Variants in NEGR1 observed in about 807,000 individuals in gnomAD.
NEGR1 encodes the protein neuronal growth regulator 1.
NEGR1 carries 10 observed loss-of-function variants against 40.9 expected under a neutral mutation model. The observed-to-expected ratio is 0.24, with a 90% CI of 0.15 to 0.42. The LOEUF is 0.42. Ranked by LOEUF, NEGR1 falls within the 10% of genes least tolerant of loss-of-function variation. The probability of loss-of-function intolerance (pLI) is 1.00; values close to 1 mark genes in which losing one functional copy is unlikely to be tolerated. For missense variants in NEGR1, 352 were observed against 438.9 expected, an observed-to-expected ratio of 0.80 and a Z score of 1.77; for synonymous variants, 185 against 166.8, an observed-to-expected ratio of 1.11 and a Z score of -0.84.
At chr1:71,609,011 T>G (rs1650157128) in intron 5 of NEGR1, among the ~76,000 whole-genome samples, 1 of 152,176 alleles carries the variant, frequency 6.6e-6, no homozygotes, top group Non-Finnish European at 1.5e-5. Flanking sequence ...TGTACAATAT[T>G]GTAGGGTGAA....
At chr1:71,587,982 C>T (rs1649363527) in intron 6 of NEGR1, among the ~76,000 whole-genome samples, 1 of 151,992 alleles carries the variant, frequency 6.6e-6, no homozygotes, top group African/African-American at 2.4e-5. Context: ...ATTCTATTTC[C>T]CTTTAGATGG....
At chr1:72,156,462 T>C (rs924511665) in intron 1 of NEGR1, among the ~76,000 whole-genome samples, 10 of 152,168 alleles carry the variant, frequency 6.6e-5, no homozygotes, top group Admixed American at 2.6e-4. Context: ...ACACTTCAAA[T>C]GAACTTCACT....
intron 4 of NEGR1, among the ~76,000 whole-genome samples, chr1:71,670,763 A>T (rs1652394901): frequency 6.6e-6 from 1 of 150,958 alleles, no homozygotes; most frequent in Non-Finnish European, 1.5e-5. Context: ...AAAAATTTCA[A>T]CAACAATTCT....
intron 2 of NEGR1, among the ~76,000 whole-genome samples, chr1:71,849,647 A>C (rs752920819): frequency 1.3e-5 from 2 of 152,168 alleles, no homozygotes; most frequent in South Asian, 4.1e-4. Flanking sequence ...ATAGAGAAAT[A>C]TGTTGTGAAA....
At chr1:72,014,808 CTATT>C (rs1031532128) in intron 1 of NEGR1, among the ~76,000 whole-genome samples, 3 of 151,944 alleles carry the variant, frequency 2.0e-5, no homozygotes, top group African/African-American at 7.2e-5. Flanking sequence ...GAAATACCTA[CTATT>C]TATTTATCCA....
At chr1:71,691,971 G>T (rs1330661247) in intron 4 of NEGR1, among the ~76,000 whole-genome samples, 1 of 151,276 alleles carries the variant, frequency 6.6e-6, no homozygotes, top group African/African-American at 2.4e-5. Context: ...AAACCCCAAG[G>T]TTGAGTTTGG....
chr1:71,597,910 C>T (rs965721114), intron 5 of NEGR1, among the ~76,000 whole-genome samples: 1 of 151,072 alleles, frequency 6.6e-6, no homozygotes, highest in African/African-American at 2.5e-5. Flanking sequence ...GAGACTCCAT[C>T]CCAAAATTAA....
At chr1:71,434,851 G>T (rs1475193348) in intron 6 of NEGR1, among the ~76,000 whole-genome samples, 1 of 152,160 alleles carries the variant, frequency 6.6e-6, no homozygotes, top group Non-Finnish European at 1.5e-5. Flanking sequence ...CAGCACTTTG[G>T]GAGGCCAAGG....
At chr1:71,635,628 C>T (rs1651122812) in intron 4 of NEGR1, among the ~76,000 whole-genome samples, 1 of 152,086 alleles carries the variant, frequency 6.6e-6, no homozygotes, top group African/African-American at 2.4e-5. Context: ...CCAGTCCACA[C>T]TGTAAATGGT....
chr1:71,528,976 T>C (rs1647281218), intron 6 of NEGR1, among the ~76,000 whole-genome samples: 1 of 151,210 alleles, frequency 6.6e-6, no homozygotes, highest in South Asian at 2.1e-4. Flanking sequence ...TATTTTTAGG[T>C]ATAGATGAAT....
intron 6 of NEGR1, among the ~76,000 whole-genome samples, chr1:71,511,919 T>C (rs1647075715): frequency 6.6e-6 from 1 of 152,236 alleles, no homozygotes; most frequent in Non-Finnish European, 1.5e-5. Flanking sequence ...AGTCAAAGAA[T>C]ATGTCCAATT....
intron 4 of NEGR1, among the ~76,000 whole-genome samples, chr1:71,676,089 A>C (rs1652625034): frequency 6.6e-6 from 1 of 152,160 alleles, no homozygotes; most frequent in African/African-American, 2.4e-5. Context: ...TAGGATGACG[A>C]TGAGAGTTAA....
At chr1:71,798,648 G>A (rs1197363394) in intron 2 of NEGR1, among the ~76,000 whole-genome samples, 4 of 152,132 alleles carry the variant, frequency 2.6e-5, no homozygotes, top group Non-Finnish European at 5.9e-5. Context: ...TTGTTAACTA[G>A]GAGATCTAGG....
intron 6 of NEGR1, among the ~76,000 whole-genome samples, chr1:71,549,200 T>C (rs921954343): frequency 6.6e-6 from 1 of 151,760 alleles, no homozygotes; most frequent in Non-Finnish European, 1.5e-5. Flanking sequence ...TCAGAATACA[T>C]TAGACAATAC....
At chr1:72,006,853 C>G (rs1465883915) in intron 1 of NEGR1, among the ~76,000 whole-genome samples, 2 of 152,082 alleles carry the variant, frequency 1.3e-5, no homozygotes, top group Admixed American at 6.6e-5. Flanking sequence ...TCTGCAGCAC[C>G]CTTACCTTTC....
In NEGR1 at chr1:71,460,251, G is replaced by T. The variant is rs147370393; in HGVS notation, c.941-52681C>A. ...GTGGTGGGATAGTGTTGTTGACATC[G>T]GTCCAAGTACAAGCTCTGCAGTCAG... On this transcript the variant is annotated intron_variant, in intron 6 of 6. Coordinates refer to ENST00000357731, the MANE Select transcript of NEGR1 (RefSeq NM_173808.3). 2.1e-3 allele frequency among the ~76,000 whole-genome samples: 323 copies of T among 152,170 alleles called. 1 individual carries two copies. Among genetic ancestry groups the T allele is most frequent in the African/African-American group, 7.5e-3 (310 of 41,536 alleles).
chr1:72,173,609 T>C lies in NEGR1; in HGVS notation c.176+108710A>G, dbSNP rs576452103. On this transcript the variant is annotated intron_variant, in intron 1 of 6. Transcript: ENST00000357731. ...TTACACATCTCCTTACATCTTTTCATTGTTATTCCTGCTCTACTAAATAAT... is the reference window on the plus strand; with the variant it reads ...TTACACATCTCCTTACATCTTTTCACTGTTATTCCTGCTCTACTAAATAAT... Among the ~76,000 whole-genome samples, 7 of 151,982 alleles carry C rather than the reference T, an allele frequency of 4.6e-5. No individual in the cohort carries two copies. In the South Asian group the frequency reaches 6.2e-4, roughly 13 times the overall value.
chr1:72,098,503 C>T (rs1454504264), intron 1 of NEGR1, among the ~76,000 whole-genome samples: 1 of 152,094 alleles, frequency 6.6e-6, no homozygotes, highest in East Asian at 1.9e-4. Flanking sequence ...TATCAAGAAT[C>T]ATTTCAAGAC....
intron 6 of NEGR1, among the ~76,000 whole-genome samples, chr1:71,427,570 C>T (rs1646436539): frequency 6.6e-6 from 1 of 152,098 alleles, no homozygotes; most frequent in South Asian, 2.1e-4. Context: ...ATTTAAATTA[C>T]TAGTTATGTT....
Sources: gnomAD v4.1 joint callset for allele counts (sites outside exome capture counted in the v4.1 genomes callset) on GRCh38, gnomAD v4.1.1 for gene constraint, MANE v1.5 for transcripts, NCBI Gene and HGNC (gene_info 2026-07-23, HGNC 2026-07-21) for gene names.